Variants in GAS2 observed in about 807,000 individuals in gnomAD.
GAS2 encodes the protein growth arrest specific 2.
Under a neutral mutation model 37.5 loss-of-function variants are expected in GAS2, and 20 were observed. The ratio of observed to expected loss-of-function variants is 0.53; its 90% CI spans 0.37 to 0.77. The LOEUF is 0.77. GAS2 is among the 30% of genes least tolerant of loss of function. The pLI is 0.00. For synonymous variants in GAS2, 144 were observed against 132.2 expected (o/e 1.09, Z -0.61); for missense variants, 336 against 373.4 (o/e 0.90, Z 0.82).
At chr11:22,789,816 A>G (rs1423628454) in intron 7 of GAS2, among the ~76,000 whole-genome samples, 1 of 152,226 alleles carries the variant, frequency 6.6e-6, no homozygotes, top group East Asian at 1.9e-4. Context: ...AGAAATATAT[A>G]TCTCTCTATA....
chr11:22,716,290 C>G (rs1482795066), intron 3 of GAS2, among the ~76,000 whole-genome samples: 2 of 151,920 alleles, frequency 1.3e-5, no homozygotes, highest in African/African-American at 4.8e-5. Flanking sequence ...CCCACTTTTA[C>G]CTCTTATATT....
Position 22,685,743 on chromosome 11 carries a change from T to C in GAS2, c.221T>C (p.Met74Thr), listed in dbSNP as rs1590631433. The C allele has an allele frequency of 6.2e-7, 1 of 1,613,810 alleles. No homozygotes were observed. Among genetic ancestry groups the C allele is most frequent in the Non-Finnish European group, 8.5e-7 (1 of 1,179,842 alleles). ...GALLCQLAETMQEKFKESMDA... is the reference protein window; with the variant it reads ...GALLCQLAETTQEKFKESMDA... ...TTGCTCTGTCAACTTGCAGAAACTA[T>C]GCAGGAGAAATTCAAGGAGAGCATG... is the stretch of plus-strand genomic sequence containing the variant. Residue 74 changes from methionine to threonine, a missense_variant, in exon 3 of 8, where the codon ATG becomes ACG. Physicochemically the swap from Met to Thr is moderately conservative, Grantham distance 81. Coordinates refer to ENST00000454584, the MANE Select transcript of GAS2 (RefSeq NM_001143830.3).
intron 7 of GAS2, among the ~76,000 whole-genome samples, chr11:22,781,102 T>C (rs1855537289): frequency 6.6e-6 from 1 of 152,174 alleles, no homozygotes. Flanking sequence ...GCAGACAATT[T>C]GCTTAATTAC....
intron 1 of GAS2, among the ~76,000 whole-genome samples, chr11:22,637,295 T>A: frequency 9.4e-6 from 1 of 105,994 alleles, no homozygotes; most frequent in Non-Finnish European, 1.7e-5. Flanking sequence ...TAATATAATA[T>A]TAATTATATT....
intron 1 of GAS2, among the ~76,000 whole-genome samples, chr11:22,667,365 G>C (rs1277608494): frequency 6.6e-6 from 1 of 152,210 alleles, no homozygotes; most frequent in Non-Finnish European, 1.5e-5. Flanking sequence ...TTAAAGGGCT[G>C]ATCCTGAATG....
chr11:22,734,647 C>T (rs538480191), intron 4 of GAS2, among the ~76,000 whole-genome samples: 1 of 151,658 alleles, frequency 6.6e-6, no homozygotes, highest in Non-Finnish European at 1.5e-5. Context: ...TTCTATGTGC[C>T]AAGTACTATG....
rs1000595851 is a variant in GAS2, at chr11:22,780,316, G to A, written c.723+24363G>A. On this transcript the variant is annotated intron_variant, in intron 7 of 7. Transcript: ENST00000454584. ...TCGAGACCATCCTGGCCAACATGGA[G>A]AAACCCCGTCTCTACTAAAAATACA... is the stretch of plus-strand genomic sequence containing the variant. Among the ~76,000 whole-genome samples, 8 of 152,066 alleles carry A rather than the reference G, an allele frequency of 5.3e-5. No homozygotes were observed. In the East Asian group the frequency reaches 1.5e-3, roughly 29 times the overall value.
rs138901004 is a variant in GAS2 at position 22,714,070 on chromosome 11, G to A, written c.268-12222G>A. 5.7e-3 allele frequency among the ~76,000 whole-genome samples: 874 copies of A among 152,054 alleles called. 13 individuals carry two copies. Among genetic ancestry groups the A allele is most frequent in the African/African-American group, 0.019 (792 of 41,494 alleles). Reference sequence around the variant, plus strand: ...GAATGTAAATGGCTACACTTAAAAGGTACAGAATCTCAGAATGGATCAAAA... The same window carrying A: ...GAATGTAAATGGCTACACTTAAAAGATACAGAATCTCAGAATGGATCAAAA... On this transcript the variant is annotated intron_variant, in intron 3 of 7. Transcript: ENST00000454584.
intron 1 of GAS2, among the ~76,000 whole-genome samples, chr11:22,658,491 G>A (rs1848880399): frequency 2.0e-5 from 3 of 152,168 alleles, no homozygotes; most frequent in Admixed American, 6.5e-5. Context: ...ACAAAACAAA[G>A]CAAAACAACT....
At chr11:22,736,358 A>G (rs572205156) in intron 4 of GAS2, among the ~76,000 whole-genome samples, 1 of 152,154 alleles carries the variant, frequency 6.6e-6, no homozygotes, top group South Asian at 2.1e-4. Context: ...TATCAGTAAT[A>G]GAAATATCCT....
intron 5 of GAS2, among the ~76,000 whole-genome samples, chr11:22,744,606 G>A (rs1200660531): frequency 1.3e-5 from 2 of 151,682 alleles, no homozygotes; most frequent in African/African-American, 4.8e-5. Flanking sequence ...ATCCCTTCAT[G>A]ATAAAAAAAA....
chr11:22,780,360 C>T (rs1279160104), intron 7 of GAS2, among the ~76,000 whole-genome samples: 13 of 151,692 alleles, frequency 8.6e-5, no homozygotes, highest in African/African-American at 2.2e-4. Context: ...CCAGACGTGG[C>T]GGCATGCACT....
At chr11:22,757,380 T>C (rs11026770) in intron 7 of GAS2, among the ~76,000 whole-genome samples, 83,983 of 151,906 alleles carry the variant, frequency 0.55, 25,088 homozygotes, top group Middle Eastern at 0.68. Context: ...AATCTATTCA[T>C]GCATTATTTA....
At chr11:22,743,881 GA>G (rs1853233043) in intron 5 of GAS2, among the ~76,000 whole-genome samples, 1 of 152,040 alleles carries the variant, frequency 6.6e-6, no homozygotes, top group Non-Finnish European at 1.5e-5. Context: ...AGGATACCAA[GA>G]TTGATGCACC....
intron 2 of GAS2, among the ~76,000 whole-genome samples, chr11:22,681,328 A>G (rs1849675294): frequency 6.6e-6 from 1 of 152,084 alleles, no homozygotes; most frequent in Non-Finnish European, 1.5e-5. Flanking sequence ...CCATTGAGCT[A>G]TAATGTTTTA....
At chr11:22,737,807 A>T in intron 5 of GAS2, 39 bp downstream of exon 5, 1 of 1,577,342 alleles carries the variant, frequency 6.3e-7, no homozygotes, top group Non-Finnish European at 8.7e-7. Context: ...GACATTGACG[A>T]TTTCAGCATC....
At chr11:22,766,143 G>A (rs1242565872) in intron 7 of GAS2, among the ~76,000 whole-genome samples, 1 of 152,080 alleles carries the variant, frequency 6.6e-6, no homozygotes, top group Non-Finnish European at 1.5e-5. Flanking sequence ...TTCAACATGA[G>A]ACATGGGTAG....
chr11:22,754,313 A>G (rs1853901942), intron 6 of GAS2, among the ~76,000 whole-genome samples: 2 of 152,122 alleles, frequency 1.3e-5, no homozygotes, highest in South Asian at 4.1e-4. Flanking sequence ...ATTTTAAAAT[A>G]TAATGAAATA....
chr11:22,698,768 A>T (rs114460118), intron 3 of GAS2, among the ~76,000 whole-genome samples: 1,799 of 152,266 alleles, frequency 0.012, 26 homozygotes, highest in African/African-American at 0.041. Flanking sequence ...AAGATAAAAC[A>T]TTGTTTTAAG....
Sources: gnomAD v4.1 joint callset for allele counts (sites outside exome capture counted in the v4.1 genomes callset) on GRCh38, gnomAD v4.1.1 for gene constraint, MANE v1.5 for transcripts, NCBI Gene and HGNC (gene_info 2026-07-23, HGNC 2026-07-21) for gene names.